COMMD1: variants seen among roughly 807,000 people sequenced by gnomAD.
The protein encoded by COMMD1 is COMM domain-containing protein 1.
In COMMD1, 10 loss-of-function variants were observed where a neutral mutation model predicts 17.2. The observed-to-expected ratio is 0.58, with a 90% CI of 0.36 to 0.99. COMMD1 has a LOEUF of 0.99. Among genes scored for constraint, COMMD1 ranks in the 50% least tolerant of loss-of-function variants. The probability of loss-of-function intolerance (pLI) is 0.01; values close to 1 mark genes in which losing one functional copy is unlikely to be tolerated. For synonymous variants in COMMD1, 97 were observed against 91.6 expected (o/e 1.06, Z -0.34); for missense variants, 270 against 231.8 (o/e 1.17, Z -1.07).
chr2:61,890,047 C>T (rs561153195), intron 1 of COMMD1, among the ~76,000 whole-genome samples: 58 of 152,272 alleles, frequency 3.8e-4, no homozygotes, highest in African/African-American at 1.1e-3. Context: ...AACTGCTGGT[C>T]TCCTATGACC....
At chr2:62,013,650 A>AT (rs935149245) in intron 2 of COMMD1, among the ~76,000 whole-genome samples, 22 of 152,230 alleles carry the variant, frequency 1.4e-4, no homozygotes, top group African/African-American at 5.3e-4. Context: ...GGTAGAGTGT[A>AT]GGTTTTGAAT....
intron 1 of COMMD1, among the ~76,000 whole-genome samples, chr2:61,928,271 G>A (rs1572970981): frequency 1.3e-5 from 2 of 151,566 alleles, no homozygotes; most frequent in Non-Finnish European, 2.9e-5. Flanking sequence ...CACAATTCTC[G>A]TGCCTCAGCC....
chr2:62,063,180 G>A (rs561920119), intron 2 of COMMD1, among the ~76,000 whole-genome samples: 1 of 152,212 alleles, frequency 6.6e-6, no homozygotes, highest in East Asian at 1.9e-4. Flanking sequence ...TCGCACCACT[G>A]CACTCCAGCC....
chr2:62,130,751 A>C (rs1418232306), intron 2 of COMMD1, among the ~76,000 whole-genome samples: 3 of 152,234 alleles, frequency 2.0e-5, no homozygotes. Context: ...TTGTCACTGT[A>C]GTATTGTTTT....
chr2:62,060,897 C>T (rs532461148), intron 2 of COMMD1, among the ~76,000 whole-genome samples: 1 of 151,704 alleles, frequency 6.6e-6, no homozygotes, highest in Admixed American at 6.6e-5. Flanking sequence ...CTGTTTTTTT[C>T]CCCCAATCTT....
At chr2:61,908,171 C>T (rs1200479180) in intron 1 of COMMD1, among the ~76,000 whole-genome samples, 1 of 151,442 alleles carries the variant, frequency 6.6e-6, no homozygotes, top group Non-Finnish European at 1.5e-5. Flanking sequence ...GATTGTTTTA[C>T]ATAGGGCTGA....
intron 2 of COMMD1, among the ~76,000 whole-genome samples, chr2:62,095,354 C>G (rs997040416): frequency 6.6e-6 from 1 of 152,190 alleles, no homozygotes; most frequent in African/African-American, 2.4e-5. Context: ...CCTAAAAATT[C>G]TATTGGCTAA....
intron 1 of COMMD1, among the ~76,000 whole-genome samples, chr2:61,895,639 A>G (rs1251116815): frequency 3.3e-5 from 5 of 152,102 alleles, no homozygotes; most frequent in African/African-American, 4.8e-5. Flanking sequence ...TATGCTACCC[A>G]TGCCCCAGGA....
intron 1 of COMMD1, among the ~76,000 whole-genome samples, chr2:61,981,878 CA>C (rs938915975): frequency 1.7e-4 from 26 of 152,162 alleles, no homozygotes; most frequent in Admixed American, 1.3e-4. Context: ...CAAACCATAT[CA>C]GTTACTATAG....
At chr2:62,076,297 G>A (rs1237638118) in intron 2 of COMMD1, among the ~76,000 whole-genome samples, 4 of 152,228 alleles carry the variant, frequency 2.6e-5, no homozygotes, top group Non-Finnish European at 5.9e-5. Context: ...TCAGACGAGT[G>A]GACAGATAAA....
chr2:61,889,319 G>C (rs1227813004), intron 1 of COMMD1, among the ~76,000 whole-genome samples: 2 of 138,938 alleles, frequency 1.4e-5, no homozygotes, highest in African/African-American at 2.7e-5. Context: ...CGATCCTCCC[G>C]CCACAGCCTC....
At chr2:61,914,379 A>C (rs1379939324) in intron 1 of COMMD1, among the ~76,000 whole-genome samples, 2 of 151,736 alleles carry the variant, frequency 1.3e-5, no homozygotes, top group East Asian at 3.9e-4. Flanking sequence ...TCTCTACTAA[A>C]AATACAAAAA....
intron 2 of COMMD1, among the ~76,000 whole-genome samples, chr2:62,046,509 A>T (rs1185640800): frequency 6.6e-6 from 1 of 152,240 alleles, no homozygotes; most frequent in Non-Finnish European, 1.5e-5. Flanking sequence ...GGATTTGTGT[A>T]CATCATGGTG....
intron 2 of COMMD1, among the ~76,000 whole-genome samples, chr2:62,042,840 AGT>A (rs1670273680): frequency 6.6e-6 from 1 of 152,368 alleles, no homozygotes; most frequent in East Asian, 1.9e-4. Flanking sequence ...TGGTGCCACT[AGT>A]AAAAGCAACC....
intron 1 of COMMD1, among the ~76,000 whole-genome samples, chr2:61,995,346 A>T (rs1311928569): frequency 6.6e-6 from 1 of 152,146 alleles, no homozygotes; most frequent in Non-Finnish European, 1.5e-5. Context: ...TCTAAACTTG[A>T]TGTACTTTAA....
At chr2:61,905,902 T>A in intron 1 of COMMD1, 44 bp downstream of exon 1, 1 of 1,600,300 alleles carries the variant, frequency 6.2e-7, no homozygotes, top group East Asian at 2.2e-5. Flanking sequence ...CAGAACCCCT[T>A]GGCCGCTGGC....
chr2:61,967,824 C>G (rs773805996), intron 1 of COMMD1, among the ~76,000 whole-genome samples: 6 of 152,134 alleles, frequency 3.9e-5, no homozygotes, highest in Non-Finnish European at 7.3e-5. Flanking sequence ...AGAACTGGCT[C>G]TCATCACTGG....
intron 2 of COMMD1, among the ~76,000 whole-genome samples, chr2:62,077,171 G>A (rs2103971252): frequency 6.6e-6 from 1 of 152,278 alleles, no homozygotes; most frequent in Middle Eastern, 3.4e-3. Context: ...TAACTTGGCA[G>A]AGTCAAATGG....
At chr2:61,923,176 G>T (rs1670240062) in intron 1 of COMMD1, among the ~76,000 whole-genome samples, 1 of 152,042 alleles carries the variant, frequency 6.6e-6, no homozygotes, top group Admixed American at 6.6e-5. Flanking sequence ...TATCTATCAA[G>T]ATTTTTAAAT....
Sources: gnomAD v4.1 joint callset for allele counts (sites outside exome capture counted in the v4.1 genomes callset) on GRCh38, gnomAD v4.1.1 for gene constraint, MANE v1.5 for transcripts, NCBI Gene and HGNC (gene_info 2026-07-23, HGNC 2026-07-21) for gene names.